PRKN: variants seen among roughly 807,000 people sequenced by gnomAD.
PRKN encodes E3 ubiquitin-protein ligase parkin.
PRKN carries 56 observed loss-of-function variants against 59.5 expected under a neutral mutation model. The observed-to-expected ratio is 0.94, with a 90% confidence interval of 0.76 to 1.18. PRKN has a LOEUF of 1.18. Ranked by LOEUF, PRKN falls within the 50% of genes most tolerant of loss-of-function variation. The pLI is 0.00. For synonymous variants in PRKN, 250 were observed against 222.1 expected, an observed-to-expected ratio of 1.13 and a Z score of -1.12; for missense variants, 657 against 596.4, an observed-to-expected ratio of 1.10 and a Z score of -1.06.
intron 5 of PRKN, among the ~76,000 whole-genome samples, chr6:162,049,511 T>C (rs924744770): frequency 6.6e-6 from 1 of 152,138 alleles, no homozygotes; most frequent in Non-Finnish European, 1.5e-5. Flanking sequence ...AGGCATTTAG[T>C]TGGTGTTTAT....
intron 3 of PRKN, among the ~76,000 whole-genome samples, chr6:162,234,259 G>A (rs543292766): frequency 5.3e-5 from 8 of 152,302 alleles, no homozygotes; most frequent in Non-Finnish European, 1.0e-4. Flanking sequence ...CACTGAGTTG[G>A]GGCAGAGGTG....
At chr6:162,241,312 T>C (rs1013082720) in intron 3 of PRKN, among the ~76,000 whole-genome samples, 1 of 152,136 alleles carries the variant, frequency 6.6e-6, no homozygotes, top group Non-Finnish European at 1.5e-5. Flanking sequence ...AAGGATACAA[T>C]ATATAACTGC....
At chr6:161,943,890 G>C (rs1402281742) in intron 6 of PRKN, among the ~76,000 whole-genome samples, 1 of 142,904 alleles carries the variant, frequency 7.0e-6, no homozygotes, top group Admixed American at 6.9e-5. Context: ...TGAGGGATTG[G>C]CCTGAGGATG....
chr6:162,562,245 T>C (rs1219726768), intron 1 of PRKN, among the ~76,000 whole-genome samples: 2 of 152,122 alleles, frequency 1.3e-5, no homozygotes, highest in Non-Finnish European at 2.9e-5. Context: ...CCAGCAGCAT[T>C]CATCACCTGT....
intron 1 of PRKN, among the ~76,000 whole-genome samples, chr6:162,543,620 G>A (rs1779007130): frequency 6.6e-6 from 1 of 152,080 alleles, no homozygotes; most frequent in Non-Finnish European, 1.5e-5. Context: ...TTAAGTAGAG[G>A]AGGAGAGAGT....
At chr6:162,513,188 AG>A (rs770852473) in intron 1 of PRKN, among the ~76,000 whole-genome samples, 5 of 152,160 alleles carry the variant, frequency 3.3e-5, no homozygotes, top group Non-Finnish European at 7.4e-5. Flanking sequence ...AGACAAAAAA[AG>A]GCATTCCAGC....
chr6:162,683,340 T>A (rs1779842904), intron 1 of PRKN, among the ~76,000 whole-genome samples: 1 of 152,126 alleles, frequency 6.6e-6, no homozygotes, highest in Non-Finnish European at 1.5e-5. Flanking sequence ...AGAGAGAACA[T>A]TTTCATCGTC....
At position 161,395,549 on chromosome 6, in the gene PRKN, G is replaced by A. The variant is rs183684424; in HGVS notation, c.1084-8672C>T. Reference sequence around the variant, plus strand: ...GACTTTCCATTTTGATTGCTTTCGCGAGCCTTGTCAGTCACAGGCTTAGCA... The same window carrying A: ...GACTTTCCATTTTGATTGCTTTCGCAAGCCTTGTCAGTCACAGGCTTAGCA... On this transcript the variant is annotated intron_variant, in intron 9 of 11. Transcript: ENST00000366898. The surrounding 1 kb of genome is among the most constrained non-coding windows in gnomAD (Gnocchi z 5.0). Among the ~76,000 whole-genome samples, 223 of 152,282 alleles carry A rather than the reference G, an allele frequency of 1.5e-3. 2 individuals carry two copies. Among genetic ancestry groups the A allele is most frequent in the African/African-American group, 5.1e-3 (212 of 41,536 alleles).
chr6:161,818,599 C>T (rs1791890096), intron 6 of PRKN, among the ~76,000 whole-genome samples: 1 of 152,032 alleles, frequency 6.6e-6, no homozygotes, highest in African/African-American at 2.4e-5. Flanking sequence ...CTCCCTAGTG[C>T]TGGGATTCTG....
At chr6:161,980,687 A>G (rs999552205) in intron 5 of PRKN, among the ~76,000 whole-genome samples, 2 of 152,152 alleles carry the variant, frequency 1.3e-5, no homozygotes, top group African/African-American at 4.8e-5. Flanking sequence ...TGTCCCCTAG[A>G]GAGAGAGGGA....
At chr6:162,608,763 T>C (rs1782020616) in intron 1 of PRKN, among the ~76,000 whole-genome samples, 1 of 152,016 alleles carries the variant, frequency 6.6e-6, no homozygotes, top group South Asian at 2.1e-4. Flanking sequence ...GTTAAGAACA[T>C]AGGGAGGCAT....
At chr6:162,236,408 C>T (rs1394999350) in intron 3 of PRKN, among the ~76,000 whole-genome samples, 1 of 152,124 alleles carries the variant, frequency 6.6e-6, no homozygotes, top group Admixed American at 6.5e-5. Flanking sequence ...AGGGTAAAAC[C>T]CTCTCTCATT....
At chr6:162,532,157 A>G (rs1201726983) in intron 1 of PRKN, among the ~76,000 whole-genome samples, 1 of 55,172 alleles carries the variant, frequency 1.8e-5, no homozygotes, top group Non-Finnish European at 7.5e-5. Flanking sequence ...TCTCCCCCCA[A>G]CTCCTCTCTC....
intron 7 of PRKN, among the ~76,000 whole-genome samples, chr6:161,750,409 G>T (rs1788637457): frequency 6.6e-6 from 1 of 152,070 alleles, no homozygotes; most frequent in Non-Finnish European, 1.5e-5. Flanking sequence ...ATCTCAAATA[G>T]CTATAAATGA....
intron 2 of PRKN, among the ~76,000 whole-genome samples, chr6:162,357,100 C>A (rs1784903792): frequency 6.6e-6 from 1 of 152,104 alleles, no homozygotes; most frequent in African/African-American, 2.4e-5. Context: ...AAGGCACAAT[C>A]CATGAAAGAA....
At chr6:161,691,146 G>C (rs1785777622) in intron 7 of PRKN, among the ~76,000 whole-genome samples, 1 of 151,126 alleles carries the variant, frequency 6.6e-6, no homozygotes, top group Non-Finnish European at 1.5e-5. Flanking sequence ...TTTCCTATTG[G>C]TTCTGTTTCT....
chr6:162,105,411 A>T (rs1167828218), intron 4 of PRKN, among the ~76,000 whole-genome samples: 1 of 152,118 alleles, frequency 6.6e-6, no homozygotes, highest in Admixed American at 6.6e-5. Flanking sequence ...TAAAATATTC[A>T]TTTTTTAAAG....
At chr6:162,371,566 T>G (rs1485784293) in intron 2 of PRKN, among the ~76,000 whole-genome samples, 5 of 152,186 alleles carry the variant, frequency 3.3e-5, no homozygotes, top group Non-Finnish European at 7.4e-5. Context: ...TAACATTATC[T>G]ACTCCACTGG....
intron 6 of PRKN, among the ~76,000 whole-genome samples, chr6:161,823,059 C>T (rs1792098724): frequency 6.6e-6 from 1 of 151,842 alleles, no homozygotes; most frequent in Non-Finnish European, 1.5e-5. Context: ...CTCAGCTTCC[C>T]AAGTAGCTGG....
Sources: gnomAD v4.1 joint callset for allele counts (sites outside exome capture counted in the v4.1 genomes callset) on GRCh38, gnomAD v4.1.1 for gene constraint, Gnocchi (gnomAD v3.1) non-coding constraint, MANE v1.5 for transcripts, NCBI Gene and HGNC (gene_info 2026-07-23, HGNC 2026-07-21) for gene names.